Variants in SLC9C2 observed in about 807,000 individuals in gnomAD.
The protein encoded by SLC9C2 is solute carrier family 9 member C2 (putative), also known as sodium/hydrogen exchanger 11.
Under a neutral mutation model 140.2 loss-of-function variants are expected in SLC9C2, and 75 were observed. The ratio of observed to expected loss-of-function variants is 0.53; its 90% CI spans 0.44 to 0.65. The LOEUF (loss-of-function observed/expected upper bound fraction) is 0.65, where lower values mean the gene tolerates loss of function less well. SLC9C2 is among the 30% of genes least tolerant of loss of function. SLC9C2 has a pLI of 0.00. For synonymous variants in SLC9C2, 375 were observed against 420.9 expected (o/e 0.89, Z 1.34); for missense variants, 1,074 against 1,331.8 (o/e 0.81, Z 3.01).
chr1:173,535,463 A>C (rs1052306055), intron 15 of SLC9C2, among the ~76,000 whole-genome samples: 1 of 152,222 alleles, frequency 6.6e-6, no homozygotes, highest in African/African-American at 2.4e-5. Flanking sequence ...GAATCACACA[A>C]TAGAACAGAT....
chr1:173,527,855 G>A (rs1019353202), intron 18 of SLC9C2, among the ~76,000 whole-genome samples: 3 of 152,028 alleles, frequency 2.0e-5, no homozygotes, highest in East Asian at 1.9e-4. Flanking sequence ...GAAAAAAATC[G>A]CATGTAATGA....
Position 173,538,702 on chromosome 1 carries a change from G to A in SLC9C2, c.1558-1663C>T, listed in dbSNP as rs1167744419. Among the ~76,000 whole-genome samples the A allele has an allele frequency of 5.3e-5, 8 of 152,276 alleles. No individual in the cohort carries two copies. The Middle Eastern group carries it at 0.01, about 194-fold the overall frequency. Reference sequence around the variant, plus strand: ...ACAATTATCCAGATGAAGAATGGTCGTGGGGCGAGCAGAGTGAAGAAAGAG... The same window carrying A: ...ACAATTATCCAGATGAAGAATGGTCATGGGGCGAGCAGAGTGAAGAAAGAG... On this transcript the variant is annotated intron_variant, in intron 13 of 27. Coordinates refer to ENST00000367714, the MANE Select transcript of SLC9C2 (RefSeq NM_178527.4).
intron 25 of SLC9C2, among the ~76,000 whole-genome samples, chr1:173,506,617 C>G (rs1357736214): frequency 2.0e-5 from 3 of 152,160 alleles, no homozygotes; most frequent in African/African-American, 7.2e-5. Flanking sequence ...GGGCAAAGGG[C>G]GTGGCAAGCA....
chr1:173,572,311 GC>G (rs1335558656), intron 9 of SLC9C2, among the ~76,000 whole-genome samples: 2 of 152,214 alleles, frequency 1.3e-5, no homozygotes, highest in South Asian at 4.1e-4. Flanking sequence ...ACCAATTTAG[GC>G]CCCACTCTGA....
chr1:173,542,655 T>G (rs759772131), intron 13 of SLC9C2, among the ~76,000 whole-genome samples: 3 of 152,090 alleles, frequency 2.0e-5, no homozygotes, highest in Non-Finnish European at 2.9e-5. Context: ...AAACAGCTTA[T>G]CCACCAAGAT....
At chr1:173,570,920 G>T (rs1029991730) in intron 9 of SLC9C2, among the ~76,000 whole-genome samples, 1 of 152,142 alleles carries the variant, frequency 6.6e-6, no homozygotes, top group Admixed American at 6.5e-5. Context: ...GACTGGGGAG[G>T]GGTGGTGTCA....
intron 27 of SLC9C2, among the ~76,000 whole-genome samples, chr1:173,501,299 A>G (rs959799214): frequency 6.6e-6 from 1 of 152,154 alleles, no homozygotes; most frequent in Admixed American, 6.5e-5. Context: ...TCATCTTGTG[A>G]AGAGATACTA....
At chr1:173,537,931 A>G (rs1309459549) in intron 13 of SLC9C2, among the ~76,000 whole-genome samples, 2 of 152,080 alleles carry the variant, frequency 1.3e-5, no homozygotes, top group African/African-American at 4.8e-5. Context: ...CTGACCATAC[A>G]CTTTGCCTAT....
At chr1:173,563,896 C>T (rs1051856727) in intron 9 of SLC9C2, among the ~76,000 whole-genome samples, 7 of 152,158 alleles carry the variant, frequency 4.6e-5, no homozygotes, top group African/African-American at 1.7e-4. Context: ...CTACTCTCTA[C>T]CTCCATGAGT....
chr1:173,511,029 C>CTTTT (rs71111066), intron 23 of SLC9C2, among the ~76,000 whole-genome samples: 2,664 of 86,708 alleles, frequency 0.031, 157 homozygotes, highest in Admixed American at 0.083. Context: ...CTTTCTTTTC[C>CTTTT]TTTTTTTTTT....
chr1:173,571,295 CT>C (rs368818739), intron 9 of SLC9C2, among the ~76,000 whole-genome samples: 16 of 152,158 alleles, frequency 1.1e-4, no homozygotes, highest in Non-Finnish European at 2.1e-4. Flanking sequence ...CTTTCTCTTA[CT>C]TTTTTTCATA....
intron 13 of SLC9C2, among the ~76,000 whole-genome samples, chr1:173,538,784 G>A (rs561140445): frequency 1.3e-5 from 2 of 152,290 alleles, no homozygotes; most frequent in South Asian, 4.2e-4. Flanking sequence ...AGTATGCTGA[G>A]TGCAGTAAAA....
At chr1:173,569,401 T>C (rs887908806) in intron 9 of SLC9C2, among the ~76,000 whole-genome samples, 2 of 152,038 alleles carry the variant, frequency 1.3e-5, no homozygotes, top group Non-Finnish European at 2.9e-5. Context: ...TCTTTGGCAG[T>C]TTGATTATTA....
chr1:173,580,080 G>C (rs1665423782), intron 7 of SLC9C2, among the ~76,000 whole-genome samples: 1 of 152,160 alleles, frequency 6.6e-6, no homozygotes, highest in African/African-American at 2.4e-5. Context: ...GGCAGTAAGG[G>C]AAAAAAGCTT....
At chr1:173,584,031 C>G (rs1385998243) in intron 5 of SLC9C2, among the ~76,000 whole-genome samples, 1 of 152,130 alleles carries the variant, frequency 6.6e-6, no homozygotes, top group South Asian at 2.1e-4. Flanking sequence ...AAATGTATGT[C>G]CACACAAAGA....
At chr1:173,552,389 C>A (rs1241578251) in intron 11 of SLC9C2, among the ~76,000 whole-genome samples, 1 of 152,150 alleles carries the variant, frequency 6.6e-6, no homozygotes, top group East Asian at 1.9e-4. Context: ...AGATAAACAG[C>A]CTTATATTGG....
intron 4 of SLC9C2, among the ~76,000 whole-genome samples, chr1:173,594,960 C>A (rs769799282): frequency 2.6e-5 from 4 of 152,114 alleles, no homozygotes; most frequent in Non-Finnish European, 4.4e-5. Flanking sequence ...AGTGCAATGG[C>A]ACAATCTTTG....
At chr1:173,509,777 C>A in intron 23 of SLC9C2, 78 bp from the exon 24 acceptor site, 1 of 1,400,776 alleles carries the variant, frequency 7.1e-7, no homozygotes, top group East Asian at 2.5e-5. Flanking sequence ...AAGATGCCTG[C>A]AGATTTAACC....
At chr1:173,511,259 T>C (rs768992871) in intron 23 of SLC9C2, among the ~76,000 whole-genome samples, 34 of 152,014 alleles carry the variant, frequency 2.2e-4, no homozygotes, top group Admixed American at 5.9e-4. Context: ...CTTAATCTCT[T>C]GACCTCATGA....
Sources: gnomAD v4.1 joint callset for allele counts (sites outside exome capture counted in the v4.1 genomes callset) on GRCh38, gnomAD v4.1.1 for gene constraint, MANE v1.5 for transcripts, NCBI Gene and HGNC (gene_info 2026-07-23, HGNC 2026-07-21) for gene names.